The following SGMS1 variants were observed in gnomAD, a reference collection of about 807,000 sequenced individuals.
SGMS1 encodes sphingomyelin synthase 1.
Under a neutral mutation model 46.2 loss-of-function variants are expected in SGMS1, and 13 were observed. The ratio of observed to expected loss-of-function variants is 0.28; its 90% CI spans 0.18 to 0.45. The LOEUF (loss-of-function observed/expected upper bound fraction) is 0.45, where lower values mean the gene tolerates loss of function less well. Ranked by LOEUF, SGMS1 falls within the 20% of genes least tolerant of loss-of-function variation. SGMS1 has a pLI of 1.00. For missense variants in SGMS1, 324 were observed against 519.9 expected (o/e 0.62, Z 3.66); for synonymous variants, 203 against 187.8 (o/e 1.08, Z -0.66).
intron 7 of SGMS1, among the ~76,000 whole-genome samples, chr10:50,330,856 C>G (rs1564876851): frequency 6.6e-6 from 1 of 152,132 alleles, no homozygotes; most frequent in Non-Finnish European, 1.5e-5. Flanking sequence ...CATGAACGGA[C>G]AGACAATACA....
intron 6 of SGMS1, among the ~76,000 whole-genome samples, chr10:50,349,788 T>G (rs866128468): frequency 6.6e-6 from 1 of 152,236 alleles, no homozygotes; most frequent in African/African-American, 2.4e-5. Flanking sequence ...CCTGCCATGA[T>G]TCTCAGGCCT....
chr10:50,445,305 A>G (rs1836997147), intron 5 of SGMS1, among the ~76,000 whole-genome samples: 1 of 152,240 alleles, frequency 6.6e-6, no homozygotes. Context: ...GACAATTTTT[A>G]AGTAAATTTT....
intron 2 of SGMS1, among the ~76,000 whole-genome samples, chr10:50,559,009 G>A (rs1838211573): frequency 1.3e-5 from 2 of 152,012 alleles, no homozygotes; most frequent in Non-Finnish European, 1.5e-5. Flanking sequence ...TGCCTCTAAC[G>A]CCTATGTTGT....
chr10:50,485,023 A>G lies in SGMS1; in HGVS notation c.-497-18091T>C, dbSNP rs183079110. ...CCCTCTCTCACCACTCGTATTCAAC[A>G]TAGTATTGGAAGTTCTGGCAGGGCA... is the stretch of plus-strand genomic sequence containing the variant. On this transcript the variant is annotated intron_variant, in intron 3 of 10. Coordinates refer to ENST00000361781, the MANE Select transcript of SGMS1 (RefSeq NM_147156.4). 2.0e-5 allele frequency among the ~76,000 whole-genome samples: 3 copies of G among 152,358 alleles called. No homozygotes were observed. In the East Asian group the frequency reaches 5.8e-4, roughly 29 times the overall value.
rs201887735 is a variant in SGMS1 at position 50,408,450 on chromosome 10, A to T, written c.-232+25026T>A. Among the ~76,000 whole-genome samples, 142 of 148,842 alleles carry T rather than the reference A, an allele frequency of 9.5e-4. 2 individuals are homozygous for T. In the South Asian group the frequency reaches 0.02, roughly 21 times the overall value. On this transcript the variant is annotated intron_variant, in intron 6 of 10. Coordinates refer to ENST00000361781, the MANE Select transcript of SGMS1 (RefSeq NM_147156.4). The stretch of plus-strand genomic sequence containing the variant: ...ATCTCTTAAAAAAAAAAAAAAAAAA[A>T]AAAAACAAAATAAAAACTTTTTTTA...
At chr10:50,379,060 C>T (rs1044673234) in intron 6 of SGMS1, among the ~76,000 whole-genome samples, 4 of 152,102 alleles carry the variant, frequency 2.6e-5, no homozygotes, top group African/African-American at 9.7e-5. Flanking sequence ...AACATATGCT[C>T]AGATTAAATA....
chr10:50,596,490 T>C (rs1182313568), intron 1 of SGMS1, among the ~76,000 whole-genome samples: 1 of 152,246 alleles, frequency 6.6e-6, no homozygotes, highest in Non-Finnish European at 1.5e-5. Context: ...ATTTCTTTTT[T>C]ACTAATATGA....
At chr10:50,323,551 T>C (rs1847482270) in intron 8 of SGMS1, among the ~76,000 whole-genome samples, 1 of 152,220 alleles carries the variant, frequency 6.6e-6, no homozygotes, top group South Asian at 2.1e-4. Flanking sequence ...CCATCCAGAA[T>C]ATGATGATTC....
chr10:50,308,228 C>T, intron 9 of SGMS1, 80 bp from the exon 10 acceptor site: 1 of 1,272,798 alleles, frequency 7.9e-7, no homozygotes, highest in Non-Finnish European at 1.1e-6. Context: ...ACTAATGCTT[C>T]TGAATCCAAT....
chr10:50,336,442 A>G (rs1376524903), intron 7 of SGMS1, among the ~76,000 whole-genome samples: 1 of 152,224 alleles, frequency 6.6e-6, no homozygotes, highest in African/African-American at 2.4e-5. Context: ...TTCCACACTT[A>G]GAAGGTTCCA....
chr10:50,625,171 A>G, upstream of SGMS1: 1 of 616,136 alleles, frequency 1.6e-6, no homozygotes, highest in Non-Finnish European at 2.0e-6. Context: ...ACTGCGGCGA[A>G]ATCGAGACAA....
intron 2 of SGMS1, among the ~76,000 whole-genome samples, chr10:50,575,554 A>G (rs1321307807): frequency 2.0e-5 from 3 of 152,150 alleles, no homozygotes; most frequent in Non-Finnish European, 4.4e-5. Context: ...AAAAATAAAT[A>G]AACTTTAAAA....
chr10:50,592,495 C>G (rs1588886577), intron 1 of SGMS1, among the ~76,000 whole-genome samples: 1 of 151,096 alleles, frequency 6.6e-6, no homozygotes, highest in East Asian at 1.9e-4. Flanking sequence ...ATTTTAATAT[C>G]ACAATGGCCC....
chr10:50,384,910 A>G (rs1848660887), intron 6 of SGMS1, among the ~76,000 whole-genome samples: 1 of 152,208 alleles, frequency 6.6e-6, no homozygotes, highest in African/African-American at 2.4e-5. Flanking sequence ...TCTGTTAACT[A>G]AATGACATAT....
intron 3 of SGMS1, among the ~76,000 whole-genome samples, chr10:50,489,980 T>TAAAAATA (rs1204815866): frequency 6.6e-6 from 1 of 151,768 alleles, no homozygotes; most frequent in Non-Finnish European, 1.5e-5. Flanking sequence ...TCTCAAAAAA[T>TAAAAATA]AAAAATAAAA....
At chr10:50,382,558 A>AACACACACACACACAC (rs1240446247) in intron 6 of SGMS1, among the ~76,000 whole-genome samples, 2 of 69,238 alleles carry the variant, frequency 2.9e-5, no homozygotes, top group African/African-American at 1.2e-4. Context: ...CACACACACA[A>AACACACACACACACAC]ACACACACAT....
intron 6 of SGMS1, among the ~76,000 whole-genome samples, chr10:50,407,822 C>T (rs184775028): frequency 1.7e-3 from 259 of 152,182 alleles, no homozygotes; most frequent in African/African-American, 5.8e-3. Flanking sequence ...CCAGTTAAAC[C>T]CCTGAAATAT....
intron 2 of SGMS1, among the ~76,000 whole-genome samples, chr10:50,560,025 C>T (rs1466315713): frequency 1.3e-5 from 2 of 148,404 alleles, no homozygotes; most frequent in African/African-American, 2.5e-5. Context: ...GTTGCATACA[C>T]GTGTATACAC....
intron 6 of SGMS1, among the ~76,000 whole-genome samples, chr10:50,416,408 A>C (rs78776329): frequency 0.015 from 2,262 of 152,340 alleles, 60 homozygotes; most frequent in African/African-American, 0.051. Flanking sequence ...AATGTATACA[A>C]AGCATCTCAG....
Sources: gnomAD v4.1 joint callset for allele counts (sites outside exome capture counted in the v4.1 genomes callset) on GRCh38, gnomAD v4.1.1 for gene constraint, MANE v1.5 for transcripts, NCBI Gene and HGNC (gene_info 2026-07-23, HGNC 2026-07-21) for gene names.